The following CADM2 variants were observed in gnomAD, a reference collection of about 807,000 sequenced individuals.
CADM2 encodes immunoglobulin superfamily member 4D.
CADM2 carries 12 observed loss-of-function variants against 49.8 expected under a neutral mutation model. That is an observed-to-expected ratio of 0.24 (90% CI 0.15 to 0.39). CADM2 has a LOEUF of 0.39. CADM2 is among the 10% of genes least tolerant of loss of function. The probability of loss-of-function intolerance (pLI) is 1.00; values close to 1 mark genes in which losing one functional copy is unlikely to be tolerated. For synonymous variants in CADM2, 214 were observed against 175.4 expected, an observed-to-expected ratio of 1.22 and a Z score of -1.74; for missense variants, 378 against 492.3, an observed-to-expected ratio of 0.77 and a Z score of 2.20.
At chr3:85,533,915 T>G (rs540163891) in intron 1 of CADM2, among the ~76,000 whole-genome samples, 1 of 152,146 alleles carries the variant, frequency 6.6e-6, no homozygotes, top group South Asian at 2.1e-4. Context: ...GACAGGCTAT[T>G]TTACATATTC....
chr3:85,998,667 T>A (rs989608119), intron 8 of CADM2, among the ~76,000 whole-genome samples: 1 of 152,084 alleles, frequency 6.6e-6, no homozygotes, highest in Admixed American at 6.6e-5. Context: ...CAGGAAGTGA[T>A]GAGAAACAAT....
At chr3:85,281,018 G>A (rs574265968) in intron 1 of CADM2, among the ~76,000 whole-genome samples, 3 of 151,796 alleles carry the variant, frequency 2.0e-5, no homozygotes, top group East Asian at 3.9e-4. Flanking sequence ...AATTCAAAGC[G>A]ATCTTAAATA....
intron 5 of CADM2, among the ~76,000 whole-genome samples, chr3:85,888,328 G>A (rs1713955167): frequency 6.6e-6 from 1 of 152,110 alleles, no homozygotes; most frequent in Admixed American, 6.6e-5. Flanking sequence ...ATTGGCCTCT[G>A]TTTTAAATGC....
chr3:85,381,498 G>A (rs985290614), intron 1 of CADM2, among the ~76,000 whole-genome samples: 7 of 146,586 alleles, frequency 4.8e-5, no homozygotes, highest in Admixed American at 2.7e-4. Context: ...TATATATAAA[G>A]AATATATATA....
At chr3:86,040,915 G>C (rs1436659336) in intron 8 of CADM2, among the ~76,000 whole-genome samples, 2 of 152,256 alleles carry the variant, frequency 1.3e-5, no homozygotes, top group Admixed American at 1.3e-4. Context: ...GAAGAGAGTG[G>C]GGGTTAATAT....
At chr3:85,269,149 G>T (rs2043180849) in intron 1 of CADM2, among the ~76,000 whole-genome samples, 1 of 151,132 alleles carries the variant, frequency 6.6e-6, no homozygotes, top group African/African-American at 2.4e-5. Context: ...ACAAAATCTA[G>T]GGAAACATTT....
intron 3 of CADM2, among the ~76,000 whole-genome samples, chr3:85,883,048 G>A (rs1276144270): frequency 2.0e-5 from 3 of 152,132 alleles, no homozygotes; most frequent in African/African-American, 7.2e-5. Context: ...TGCATTAGAT[G>A]TAATCATTTA....
At chr3:86,027,797 G>A (rs1734077850) in intron 8 of CADM2, 1 of 151,940 alleles carries the variant, frequency 6.6e-6, no homozygotes, top group Non-Finnish European at 1.5e-5. Flanking sequence ...GATATGAGTA[G>A]TTAAATCCAA....
At chr3:85,007,853 A>C (rs1407878654) in intron 1 of CADM2, among the ~76,000 whole-genome samples, 1 of 152,124 alleles carries the variant, frequency 6.6e-6, no homozygotes, top group East Asian at 1.9e-4. Context: ...TGAGATGACA[A>C]ATCTGTGTTA....
At chr3:86,005,650 C>T (rs1382144127) in intron 8 of CADM2, among the ~76,000 whole-genome samples, 1 of 151,878 alleles carries the variant, frequency 6.6e-6, no homozygotes, top group Non-Finnish European at 1.5e-5. Flanking sequence ...ATAAGCATAT[C>T]ATGGGGAATG....
chr3:85,916,698 G>A (rs1461445315), intron 6 of CADM2, among the ~76,000 whole-genome samples: 2 of 151,654 alleles, frequency 1.3e-5, no homozygotes, highest in Non-Finnish European at 2.9e-5. Flanking sequence ...GTAATGGGAT[G>A]GCTGGGTCAA....
At chr3:85,514,483 T>C (rs977124213) in intron 1 of CADM2, among the ~76,000 whole-genome samples, 6 of 152,090 alleles carry the variant, frequency 3.9e-5, no homozygotes, top group Non-Finnish European at 7.4e-5. Flanking sequence ...AGCAAAAATG[T>C]GTTTGTCCTA....
chr3:85,868,874 C>T lies in CADM2; in HGVS notation c.239-14417C>T, dbSNP rs113140982. Among the ~76,000 whole-genome samples, 1,141 of 152,218 alleles carry T rather than the reference C, an allele frequency of 7.5e-3. 25 individuals carry two copies. Among genetic ancestry groups the T allele is most frequent in the African/African-American group, 0.027 (1,106 of 41,542 alleles). ...TAGCTTTGACTGCTTTGAGTTTGGA[C>T]TTGAATTCTTTTGCACCTTTATCTT... On this transcript the variant is annotated intron_variant, in intron 3 of 9. Coordinates refer to ENST00000383699, the MANE Select transcript of CADM2 (RefSeq NM_001167675.2).
chr3:85,177,970 C>T (rs972592645), intron 1 of CADM2, among the ~76,000 whole-genome samples: 1 of 151,862 alleles, frequency 6.6e-6, no homozygotes, highest in African/African-American at 2.4e-5. Context: ...AAGTTTTGTA[C>T]ATTAAGCATG....
chr3:85,178,927 AT>A (rs1219133889), intron 1 of CADM2, among the ~76,000 whole-genome samples: 2 of 151,914 alleles, frequency 1.3e-5, no homozygotes, highest in Non-Finnish European at 1.5e-5. Flanking sequence ...GAATGCTACA[AT>A]TGAATGATAA....
At chr3:86,023,642 G>A (rs1244100318) in intron 8 of CADM2, among the ~76,000 whole-genome samples, 1 of 152,154 alleles carries the variant, frequency 6.6e-6, no homozygotes, top group African/African-American at 2.4e-5. Flanking sequence ...ACAGGTGTGA[G>A]CCGCCACACC....
At chr3:85,194,789 C>T (rs561505796) in intron 1 of CADM2, among the ~76,000 whole-genome samples, 105 of 152,056 alleles carry the variant, frequency 6.9e-4, no homozygotes, top group Non-Finnish European at 1.1e-3. Context: ...GTGTCGTGAT[C>T]CCATTATTCC....
At chr3:85,807,499 C>CAAAAAAAA (rs60644652) in intron 3 of CADM2, among the ~76,000 whole-genome samples, 6 of 82,186 alleles carry the variant, frequency 7.3e-5, no homozygotes, top group East Asian at 3.0e-4. Context: ...AACTCCGTCT[C>CAAAAAAAA]AAAAAAAAAA....
chr3:85,769,590 G>GTA (rs1324505244), intron 2 of CADM2, among the ~76,000 whole-genome samples: 3 of 80,754 alleles, frequency 3.7e-5, no homozygotes, highest in East Asian at 4.0e-4. Flanking sequence ...TACATATATA[G>GTA]TATATACACA....
Sources: gnomAD v4.1 joint callset for allele counts (sites outside exome capture counted in the v4.1 genomes callset) on GRCh38, gnomAD v4.1.1 for gene constraint, MANE v1.5 for transcripts, NCBI Gene and HGNC (gene_info 2026-07-23, HGNC 2026-07-21) for gene names.